MARCHF1: variants seen among roughly 807,000 people sequenced by gnomAD.
MARCHF1 encodes the protein E3 ubiquitin-protein ligase MARCHF1.
A neutral mutation model predicts 54.2 loss-of-function variants in MARCHF1; 40 were observed. That is an observed-to-expected ratio of 0.74 (90% CI 0.57 to 0.96). The LOEUF (loss-of-function observed/expected upper bound fraction) is 0.96. MARCHF1 is among the 40% of genes least tolerant of loss of function. The pLI is 0.00. For synonymous variants in MARCHF1, 236 were observed against 236.3 expected (o/e 1.00, Z 0.01); for missense variants, 586 against 656.5 (o/e 0.89, Z 1.17).
intron 5 of MARCHF1, among the ~76,000 whole-genome samples, chr4:163,680,955 C>CATAT (rs760821856): frequency 6.6e-6 from 1 of 150,780 alleles, no homozygotes; most frequent in Non-Finnish European, 1.5e-5. Context: ...TACATACACA[C>CATAT]ATATATATTA....
chr4:163,712,998 T>C (rs1374640088), intron 4 of MARCHF1, among the ~76,000 whole-genome samples: 1 of 152,168 alleles, frequency 6.6e-6, no homozygotes, highest in Non-Finnish European at 1.5e-5. Context: ...ATTGTTTCTA[T>C]ATTATGAATC....
chr4:163,908,074 C>A (rs1021184135), intron 3 of MARCHF1, among the ~76,000 whole-genome samples: 2 of 152,116 alleles, frequency 1.3e-5, no homozygotes, highest in Admixed American at 1.3e-4. Context: ...TATGAGAAGA[C>A]ACGCAGTATG....
At chr4:163,935,371 A>C (rs190590555) in intron 3 of MARCHF1, among the ~76,000 whole-genome samples, 6 of 152,218 alleles carry the variant, frequency 3.9e-5, no homozygotes, top group Admixed American at 3.3e-4. Context: ...CTACATTGAA[A>C]ATCTGTTTTT....
chr4:164,279,950 T>C (rs1733985546), intron 1 of MARCHF1, among the ~76,000 whole-genome samples: 1 of 151,870 alleles, frequency 6.6e-6, no homozygotes, highest in South Asian at 2.1e-4. Context: ...AAGTATGTAT[T>C]ATTCTGGAAA....
At chr4:163,782,711 G>A (rs1428726154) in intron 4 of MARCHF1, among the ~76,000 whole-genome samples, 1 of 151,050 alleles carries the variant, frequency 6.6e-6, no homozygotes, top group African/African-American at 2.4e-5. Context: ...GGAAGGTCCA[G>A]CAAGTAGTCA....
chr4:163,750,513 A>AAAATAAATAAATAAAT (rs34968782), intron 4 of MARCHF1, among the ~76,000 whole-genome samples: 21 of 143,052 alleles, frequency 1.5e-4, no homozygotes, highest in South Asian at 2.3e-4. Context: ...TCTGTCTCAA[A>AAAATAAATAAATAAAT]AAATAAATAA....
At chr4:163,593,308 A>G (rs1019488459) in intron 7 of MARCHF1, among the ~76,000 whole-genome samples, 3 of 152,210 alleles carry the variant, frequency 2.0e-5, no homozygotes, top group Non-Finnish European at 4.4e-5. Context: ...GATATTTCTA[A>G]GCAAATGTGC....
chr4:164,113,355 C>G (rs1010358701), intron 1 of MARCHF1, among the ~76,000 whole-genome samples: 1 of 151,902 alleles, frequency 6.6e-6, no homozygotes, highest in Non-Finnish European at 1.5e-5. Flanking sequence ...CTTTTGAAAG[C>G]TTAATAGTTT....
At chr4:164,036,592 A>G (rs978615452) in intron 2 of MARCHF1, among the ~76,000 whole-genome samples, 2 of 152,214 alleles carry the variant, frequency 1.3e-5, no homozygotes, top group African/African-American at 4.8e-5. Flanking sequence ...TGTTTAAAAG[A>G]CAAAAGAAAA....
At chr4:163,888,707 A>G (rs972605641) in intron 3 of MARCHF1, among the ~76,000 whole-genome samples, 2 of 152,166 alleles carry the variant, frequency 1.3e-5, no homozygotes, top group African/African-American at 4.8e-5. Context: ...ATCATTTTCT[A>G]AGCCTATAAG....
At chr4:164,276,951 G>T (rs199669219) in intron 1 of MARCHF1, among the ~76,000 whole-genome samples, 91,675 of 119,614 alleles carry the variant, frequency 0.77, 33,812 homozygotes, top group Non-Finnish European at 0.79. Flanking sequence ...TATATATAGA[G>T]AGAGAGAGAG....
rs72689976 is a variant in MARCHF1 at position 164,083,471 on chromosome 4, G to T, written c.-248+28117C>A. Among the ~76,000 whole-genome samples, 761 of 152,102 alleles carry T rather than the reference G, an allele frequency of 5.0e-3. 6 individuals are homozygous for T. Among genetic ancestry groups the T allele is most frequent in the Non-Finnish European group, 8.9e-3 (603 of 67,944 alleles). ...CTCATAAGGAAGCAACATGGAATTG[G>T]TAACAAGGGCTTGGTCCCAATTTTT... On this transcript the variant is annotated intron_variant, in intron 2 of 9. Coordinates refer to ENST00000514618, the MANE Select transcript of MARCHF1 (RefSeq NM_001394959.1).
intron 4 of MARCHF1, among the ~76,000 whole-genome samples, chr4:163,769,832 G>A (rs1747102121): frequency 6.6e-6 from 1 of 152,150 alleles, no homozygotes; most frequent in Non-Finnish European, 1.5e-5. Context: ...TGGTCAGGGA[G>A]TGAATGTGTA....
At chr4:163,883,469 A>T (rs1420219983) in intron 3 of MARCHF1, among the ~76,000 whole-genome samples, 2 of 151,738 alleles carry the variant, frequency 1.3e-5, no homozygotes, top group African/African-American at 4.8e-5. Flanking sequence ...TAGGAGACCC[A>T]TCTCTTTATT....
intron 2 of MARCHF1, among the ~76,000 whole-genome samples, chr4:164,097,933 G>C (rs1755450865): frequency 6.6e-6 from 1 of 152,146 alleles, no homozygotes; most frequent in Non-Finnish European, 1.5e-5. Context: ...GTGGAACACA[G>C]AAGCTGGACC....
intron 4 of MARCHF1, among the ~76,000 whole-genome samples, chr4:163,794,792 C>T (rs1243199089): frequency 6.6e-6 from 1 of 152,156 alleles, no homozygotes; most frequent in Non-Finnish European, 1.5e-5. Flanking sequence ...CAAACTTATA[C>T]TATGTGAGCT....
intron 4 of MARCHF1, among the ~76,000 whole-genome samples, chr4:163,811,567 G>C (rs1748389114): frequency 6.6e-6 from 1 of 152,050 alleles, no homozygotes; most frequent in Non-Finnish European, 1.5e-5. Context: ...GAGCAGGAGG[G>C]AAATAAGGAA....
chr4:163,613,059 A>G lies in MARCHF1; in HGVS notation c.243-21T>C, dbSNP rs1741400052. 4.1e-6 allele frequency: 6 copies of G among 1,455,610 alleles called. 1 individual carries two copies. The South Asian group carries it at 8.7e-5, about 21-fold the overall frequency. 90.2% of individuals were successfully genotyped at this position (1,455,610 alleles called of 1,614,324 possible). On this transcript the variant is annotated intron_variant, in intron 6 of 9. Coordinates refer to ENST00000514618, the MANE Select transcript of MARCHF1 (RefSeq NM_001394959.1). ...CAGATCTAGACAGAGCAGCAGGCAAAGGATGGGAAATGGGAATGGAGAGGA... is the reference window on the plus strand; with the variant it reads ...CAGATCTAGACAGAGCAGCAGGCAAGGGATGGGAAATGGGAATGGAGAGGA...
At chr4:163,613,546 T>C in intron 5 of MARCHF1, 153 bp from the exon 6 acceptor site, 2 of 1,550,684 alleles carry the variant, frequency 1.3e-6, no homozygotes, top group Non-Finnish European at 1.7e-6. Flanking sequence ...AAGTTTGAGG[T>C]TGGTTTTGCA....
Sources: allele counts gnomAD v4.1 joint callset (sites outside exome capture counted in the v4.1 genomes callset), GRCh38; gene constraint gnomAD v4.1.1; transcripts MANE v1.5; gene names NCBI Gene and HGNC (gene_info 2026-07-23, HGNC 2026-07-21).